AKAP3: variants seen among roughly 807,000 people sequenced by gnomAD.
The protein encoded by AKAP3 is A-kinase anchoring protein 3.
Under a neutral mutation model 57.2 loss-of-function variants are expected in AKAP3, and 27 were observed. That is an observed-to-expected ratio of 0.47 (90% CI 0.35 to 0.65). AKAP3 has a LOEUF of 0.65. Among genes scored for constraint, AKAP3 ranks in the 30% least tolerant of loss-of-function variants. AKAP3 has a pLI of 0.01. For synonymous variants in AKAP3, 334 were observed against 392.3 expected (o/e 0.85, Z 1.76); for missense variants, 959 against 1,040.0 (o/e 0.92, Z 1.07).
chr12:4,623,879 A>G (rs1323201689), intron 5 of AKAP3, among the ~76,000 whole-genome samples: 1 of 152,246 alleles, frequency 6.6e-6, no homozygotes, highest in African/African-American at 2.4e-5. Flanking sequence ...CAACTTAGCA[A>G]ATTAAAAATT....
At chr12:4,632,227 G>A (rs889634704) in intron 4 of AKAP3, among the ~76,000 whole-genome samples, 1 of 129,884 alleles carries the variant, frequency 7.7e-6, no homozygotes, top group Admixed American at 7.8e-5. Context: ...CTTATAAAGA[G>A]GCTACCTCTT....
Position 4,615,785 on chromosome 12 carries a change from T to C in AKAP3, c.2516A>G (p.Asn839Ser). ...GTCCAGCAGCTGCAGCGGTGTGACA[T>C]TCCCCACCGCCTCATTCAGCTGGCG... ...KERQLNEAVG[N>S]VTPLQLLDWL... The change falls in exon 6 of 6, where the codon AAT becomes AGT. Residue 839 changes from asparagine to serine, a missense_variant. Physicochemically the swap from Asn to Ser is conservative, Grantham distance 46 (BLOSUM62 1). Transcript: ENST00000228850. 6.2e-7 allele frequency: 1 copy of C among 1,614,138 alleles called. No individual in the cohort carries two copies. Among genetic ancestry groups the C allele is most frequent in the Non-Finnish European group, 8.5e-7 (1 of 1,180,004 alleles).
In AKAP3 at chr12:4,625,657, AGAG is replaced by A. The variant is rs997454115; in HGVS notation, c.2406+836_2406+838del. Reference sequence around the variant, plus strand: ...GCAGTTGGTCCACTTTTCTCAATCAAGAGGAGACAATCAAAAGCACTGAGGAAG... The same window carrying A: ...GCAGTTGGTCCACTTTTCTCAATCAAGAGACAATCAAAAGCACTGAGGAAG... On this transcript the variant is annotated intron_variant, in intron 5 of 5. Coordinates refer to ENST00000228850, the MANE Select transcript of AKAP3 (RefSeq NM_001278309.2). The surrounding 1 kb of genome is among the most constrained non-coding windows in gnomAD (Gnocchi z 5.4). Among the ~76,000 whole-genome samples, 1 of 151,698 alleles carries A rather than the reference AGAG, an allele frequency of 6.6e-6. No homozygotes were observed. The highest frequency in any genetic ancestry group is 2.4e-5 in the African/African-American group (1 of 41,260).
chr12:4,645,627 G>C (rs1321109452), intron 1 of AKAP3: 1 of 152,012 alleles, frequency 6.6e-6, no homozygotes, highest in Non-Finnish European at 1.5e-5. Context: ...AGTGCACAAC[G>C]TACACTTTCC....
At position 4,628,571 on chromosome 12, in the gene AKAP3, G is replaced by T; in HGVS notation, c.331C>A (p.Pro111Thr). The stretch of plus-strand genomic sequence containing the variant: ...CTCCCGTTGCCAAGTTGGGCCCTGG[G>T]GCCCTGGCAAGGAATCTCTTTGTGA... ...MTHKEIPCQGPRAQLGNGSSV... is the reference protein window; with the variant it reads ...MTHKEIPCQGTRAQLGNGSSV... Residue 111 changes from proline to threonine, a missense_variant, in exon 5 of 6, where the codon CCC becomes ACC. By Grantham distance (38) the Pro-to-Thr change is conservative. Transcript: ENST00000228850. The T allele has an allele frequency of 6.2e-7, 1 of 1,614,200 alleles. No homozygotes were observed. The highest frequency in any genetic ancestry group is 1.1e-5 in the South Asian group (1 of 91,072).
chr12:4,636,453 C>A (rs75241150), intron 4 of AKAP3, among the ~76,000 whole-genome samples: 5,392 of 152,234 alleles, frequency 0.035, 227 homozygotes, highest in South Asian at 0.11. Flanking sequence ...CTGTTATATA[C>A]CTTTTTGTTT....
chr12:4,644,050 AG>A (rs1400226706), intron 2 of AKAP3, among the ~76,000 whole-genome samples: 1 of 152,204 alleles, frequency 6.6e-6, no homozygotes, highest in Non-Finnish European at 1.5e-5. Context: ...GCTACATCGT[AG>A]AAGCTCAATA....
In AKAP3 at chr12:4,638,209, GA is replaced by G. The variant is rs774705829; in HGVS notation, c.1-14del. ...CCTTTTCTGACATCTGGAAGCAGGG[GA>G]AAAAAATGAGAAAGGGTCATCACAA... On this transcript the variant is annotated splice_polypyrimidine_tract_variant and intron_variant, in intron 3 of 5. Transcript: ENST00000228850. The G allele has an allele frequency of 6.4e-6, 10 of 1,572,996 alleles. No homozygotes were observed. Among genetic ancestry groups the G allele is most frequent in the Non-Finnish European group, 7.8e-6 (9 of 1,152,210 alleles).
At chr12:4,619,286 TG>T (rs1475760330) in intron 5 of AKAP3, among the ~76,000 whole-genome samples, 1 of 152,170 alleles carries the variant, frequency 6.6e-6, no homozygotes, top group African/African-American at 2.4e-5. Flanking sequence ...CGGTCAGGCA[TG>T]GTGGCTCATG....
chr12:4,633,492 T>C (rs918281919), intron 4 of AKAP3, among the ~76,000 whole-genome samples: 4 of 152,134 alleles, frequency 2.6e-5, no homozygotes, highest in African/African-American at 9.7e-5. Flanking sequence ...CTGTAGTGAC[T>C]GAAAGACTAA....
Position 4,628,201 on chromosome 12 carries a change from G to C in AKAP3, c.701C>G (p.Pro234Arg). The C allele has an allele frequency of 1.7e-5, 27 of 1,614,128 alleles. No individual in the cohort carries two copies. Among genetic ancestry groups the C allele is most frequent in the Non-Finnish European group, 2.3e-5 (27 of 1,180,002 alleles). Reference protein sequence around the residue: ...TKERQGPDDKPPSKKSFFYKE... With the variant: ...TKERQGPDDKRPSKKSFFYKE... ...ATAGAAGAAAGACTTCTTAGAAGGA[G>C]GCTTGTCATCTGGACCCTGTCTTTC... The change falls in exon 5 of 6, where the codon CCT becomes CGT. Residue 234 changes from proline (P) to arginine (R), a missense_variant. Physicochemically the swap from Pro to Arg is moderately radical, Grantham distance 103. Transcript: ENST00000228850.
intron 3 of AKAP3, 57 bp downstream of exon 3, chr12:4,641,842 A>G (rs770718088): frequency 6.6e-6 from 1 of 152,238 alleles, no homozygotes; most frequent in Non-Finnish European, 1.5e-5. Context: ...CAAGCTATAT[A>G]AAATTAAAAT....
At chr12:4,618,697 C>T (rs754659084) in intron 5 of AKAP3, among the ~76,000 whole-genome samples, 14 of 152,214 alleles carry the variant, frequency 9.2e-5, no homozygotes, top group Non-Finnish European at 1.6e-4. Context: ...CAGCCAAATA[C>T]GTCTCCAGAC....
chr12:4,646,887 A>T (rs2137454788), intron 1 of AKAP3, among the ~76,000 whole-genome samples: 1 of 152,034 alleles, frequency 6.6e-6, no homozygotes, highest in South Asian at 2.1e-4. Flanking sequence ...GGTTCAAGTG[A>T]TTCTTGTGCC....
At position 4,627,972 on chromosome 12, in the gene AKAP3, G is replaced by A. The variant is rs757388760; in HGVS notation, c.930C>T (p.Asp310=). ...IMKTLKIQVK[D]TTIATILLKK... is the part of the protein sequence containing the mutation. ...TCAGTAGGATGGTGGCAATGGTTGT[G>A]TCTTTCACTTGGATCTTCAGTGTCT... Residue 310 remains aspartate (D), a synonymous_variant, in exon 5 of 6, where the codon GAC becomes GAT. Transcript: ENST00000228850. 3.7e-6 allele frequency: 6 copies of A among 1,614,030 alleles called. No homozygotes were observed. Among genetic ancestry groups the A allele is most frequent in the Non-Finnish European group, 5.1e-6 (6 of 1,179,990 alleles).
At chr12:4,641,062 C>CTTT (rs374817430) in intron 3 of AKAP3, among the ~76,000 whole-genome samples, 817 of 68,718 alleles carry the variant, frequency 0.012, 139 homozygotes, top group South Asian at 0.021. Context: ...TTCTAACTTC[C>CTTT]TTTTTTTTTT....
At chr12:4,633,003 G>A (rs917765065) in intron 4 of AKAP3, among the ~76,000 whole-genome samples, 7 of 151,916 alleles carry the variant, frequency 4.6e-5, no homozygotes, top group African/African-American at 7.2e-5. Flanking sequence ...AGTTATTTAC[G>A]AATAAGCACA....
chr12:4,635,919 A>G (rs1019634513), intron 4 of AKAP3: 1 of 774,314 alleles, frequency 1.3e-6, no homozygotes, highest in Non-Finnish European at 2.3e-6. Context: ...CTTCACTTCC[A>G]TCACCAACAC....
intron 4 of AKAP3, among the ~76,000 whole-genome samples, chr12:4,635,095 CT>C (rs1416570152): frequency 1.3e-5 from 2 of 152,138 alleles, no homozygotes; most frequent in Admixed American, 1.3e-4. Flanking sequence ...ATTATTCCCC[CT>C]AACCTTCCAA....
Sources: gnomAD v4.1 joint callset for allele counts (sites outside exome capture counted in the v4.1 genomes callset) on GRCh38, gnomAD v4.1.1 for gene constraint, Gnocchi (gnomAD v3.1) non-coding constraint, MANE v1.5 for transcripts, NCBI Gene and HGNC (gene_info 2026-07-23, HGNC 2026-07-21) for gene names.